Variants in MAP2K5 observed in about 807,000 individuals in gnomAD.
MAP2K5 encodes the protein dual specificity mitogen-activated protein kinase kinase 5.
In MAP2K5, 49 loss-of-function variants were observed where a neutral mutation model predicts 83.1. The observed-to-expected ratio is 0.59, with a 90% CI of 0.47 to 0.75. The LOEUF (loss-of-function observed/expected upper bound fraction) is 0.75, where lower values mean the gene tolerates loss of function less well. MAP2K5 is among the 30% of genes least tolerant of loss of function. The probability of loss-of-function intolerance (pLI) is 0.00; values close to 1 mark genes in which losing one functional copy is unlikely to be tolerated. For missense variants in MAP2K5, 457 were observed against 557.5 expected (o/e 0.82, Z 1.82); for synonymous variants, 202 against 191.8 (o/e 1.05, Z -0.44).
At chr15:67,571,739 T>C (rs2084950440) in intron 3 of MAP2K5, among the ~76,000 whole-genome samples, 1 of 152,230 alleles carries the variant, frequency 6.6e-6, no homozygotes, top group African/African-American at 2.4e-5. Context: ...GCATAAACAA[T>C]TGTGTGCCTT....
chr15:67,716,245 G>A (rs1396796473), intron 16 of MAP2K5, among the ~76,000 whole-genome samples: 2 of 152,198 alleles, frequency 1.3e-5, no homozygotes, highest in East Asian at 1.9e-4. Flanking sequence ...GGAGGCTGAG[G>A]CAGGAGGATC....
chr15:67,634,379 A>AT lies in MAP2K5; in HGVS notation c.585+3452_585+3453insT, dbSNP rs2086547233. On this transcript the variant is annotated intron_variant, in intron 9 of 21. Transcript: ENST00000178640. ...TAAGACCTCATCTCAAAAAAAAAAA[A>AT]AAAAAAAAAAAAAAAAAAAAAAAAA... Among the ~76,000 whole-genome samples, 3 of 58,158 alleles carry AT rather than the reference A, an allele frequency of 5.2e-5. 1 individual carries two copies. The highest frequency in any genetic ancestry group is 1.6e-4 in the Admixed American group (1 of 6,294). The allele number at this position is 58,158 out of a possible 152,430, so 38.2% of individuals were successfully genotyped here.
intron 1 of MAP2K5, among the ~76,000 whole-genome samples, chr15:67,548,710 T>C (rs2140942332): frequency 6.6e-6 from 1 of 152,320 alleles, no homozygotes; most frequent in South Asian, 2.1e-4. Context: ...CCTTTACAGT[T>C]TCCTGTCAAT....
chr15:67,545,032 C>T (rs1450690449), intron 1 of MAP2K5, among the ~76,000 whole-genome samples: 1 of 152,244 alleles, frequency 6.6e-6, no homozygotes, highest in African/African-American at 2.4e-5. Context: ...CCTGTGTCAT[C>T]TCTCTTCACG....
intron 13 of MAP2K5, among the ~76,000 whole-genome samples, chr15:67,680,886 TAGA>T (rs1207586734): frequency 5.9e-5 from 9 of 152,324 alleles, no homozygotes; most frequent in Admixed American, 5.2e-4. Context: ...CTTGCTACCC[TAGA>T]AGAAGCCTGC....
At chr15:67,699,687 C>G (rs2088363580) in intron 15 of MAP2K5, among the ~76,000 whole-genome samples, 1 of 152,052 alleles carries the variant, frequency 6.6e-6, no homozygotes, top group South Asian at 2.1e-4. Flanking sequence ...ACCAGGCACA[C>G]AAGAAAACAA....
chr15:67,748,237 A>G lies in MAP2K5; in HGVS notation c.1081A>G (p.Lys361Glu). ...LGRFPYPQIQ[K>E]NQGSLMPLQL... Reference sequence around the variant, plus strand: ...ACATATTGCCTTTTTTCAGATTCAGAAAAACCAGGGATCTTTAATGGTAAG... The same window carrying G: ...ACATATTGCCTTTTTTCAGATTCAGGAAAACCAGGGATCTTTAATGGTAAG... Residue 361 changes from lysine (K) to glutamate (E), a missense_variant, in exon 18 of 22, where the codon AAA (lysine) becomes GAA (glutamate). By Grantham distance (56) the Lys-to-Glu change is moderately conservative. Around this residue, in one of 3 missense-constraint regions of MAP2K5, gnomAD observed 168 missense variants for 263.0 expected, o/e 0.64. Transcript: ENST00000178640. The surrounding 1 kb of genome is among the most constrained non-coding windows in gnomAD (Gnocchi z 4.0). The G allele has an allele frequency of 8.7e-6, 14 of 1,607,674 alleles. No individual in the cohort carries two copies. The highest frequency in any genetic ancestry group is 1.2e-5 in the Non-Finnish European group (14 of 1,174,738).
rs147213639 is a variant in MAP2K5 at position 67,577,325 on chromosome 15, A to T, written c.253-3429A>T. ...TTAAATGTCTTCCTGAAGGCTACAC[A>T]AGTTAATGAGTGGCAGACTTAGAAT... On this transcript the variant is annotated intron_variant, in intron 3 of 21. Transcript: ENST00000178640. This position sits in a 1 kb window ranked among gnomAD's most constrained non-coding sequence, Gnocchi z 4.1. Among the ~76,000 whole-genome samples, 161 of 152,314 alleles carry T rather than the reference A, an allele frequency of 1.1e-3. No individual in the cohort carries two copies. Among genetic ancestry groups the T allele is most frequent in the Middle Eastern group, 3.4e-3 (1 of 294 alleles).
intron 15 of MAP2K5, 151 bp downstream of exon 15, chr15:67,693,719 T>C: frequency 1.6e-6 from 1 of 607,336 alleles, no homozygotes; most frequent in Non-Finnish European, 2.9e-6. Flanking sequence ...TTTTTAAATC[T>C]TTCTAAAAGA....
chr15:67,731,474 G>A (rs1310902596), intron 17 of MAP2K5, among the ~76,000 whole-genome samples: 7 of 152,144 alleles, frequency 4.6e-5, no homozygotes, highest in Admixed American at 4.6e-4. Flanking sequence ...AGGCCTTTGG[G>A]TTGCATAACT....
chr15:67,590,609 T>C (rs1050828936), intron 6 of MAP2K5, among the ~76,000 whole-genome samples: 28 of 152,194 alleles, frequency 1.8e-4, no homozygotes, highest in African/African-American at 6.3e-4. Context: ...CATGCCGCCA[T>C]GCCTGGCTAA....
Position 67,565,387 on chromosome 15 carries a change from G to C in MAP2K5, c.252+2037G>C, listed in dbSNP as rs193060480. Among the ~76,000 whole-genome samples the C allele has an allele frequency of 1.3e-5, 2 of 152,112 alleles. No individual in the cohort carries two copies. The highest frequency in any genetic ancestry group is 1.9e-4 in the East Asian group (1 of 5,166). ...TGGGATTACAGGCACCCACCACCAT[G>C]CCTGGCTAATTTTTGTATTTTTAGT... On this transcript the variant is annotated intron_variant, in intron 3 of 21. Transcript: ENST00000178640. This position sits in a 1 kb window ranked among gnomAD's most constrained non-coding sequence, Gnocchi z 4.1.
At chr15:67,729,463 T>A (rs1370473014) in intron 17 of MAP2K5, among the ~76,000 whole-genome samples, 1 of 152,146 alleles carries the variant, frequency 6.6e-6, no homozygotes, top group Non-Finnish European at 1.5e-5. Flanking sequence ...TGATGGGTGA[T>A]GAGTCTAAGA....
rs1427286905 is a variant in MAP2K5 at position 67,768,828 on chromosome 15, CT to C, written c.1135-772del. On this transcript the variant is annotated intron_variant, in intron 19 of 21. Coordinates refer to ENST00000178640, the MANE Select transcript of MAP2K5 (RefSeq NM_145160.3). This position sits in a 1 kb window ranked among gnomAD's most constrained non-coding sequence, Gnocchi z 4.0. ...AAACACAGTGGCGCTCTCTGTCATT[CT>C]TGGAAAAACTCCTAAATTCTTAAAG... 5.3e-5 allele frequency among the ~76,000 whole-genome samples: 8 copies of C among 152,170 alleles called. No individual in the cohort carries two copies. Among genetic ancestry groups the C allele is most frequent in the African/African-American group, 1.7e-4 (7 of 41,458 alleles).
At chr15:67,711,143 A>G (rs1045061227) in intron 16 of MAP2K5, among the ~76,000 whole-genome samples, 8 of 152,236 alleles carry the variant, frequency 5.3e-5, no homozygotes, top group African/African-American at 1.9e-4. Flanking sequence ...ATAATCTTCT[A>G]TGCTGTTTAG....
chr15:67,651,280 A>C (rs911872762), intron 11 of MAP2K5, among the ~76,000 whole-genome samples: 1 of 152,230 alleles, frequency 6.6e-6, no homozygotes, highest in Non-Finnish European at 1.5e-5. Context: ...GAGTACATGC[A>C]TAATAATATT....
At position 67,637,564 on chromosome 15, in the gene MAP2K5, T is replaced by G. The variant is rs2086628857; in HGVS notation, c.585+6637T>G. On this transcript the variant is annotated intron_variant, in intron 9 of 21. Coordinates refer to ENST00000178640, the MANE Select transcript of MAP2K5 (RefSeq NM_145160.3). This position sits in a 1 kb window ranked among gnomAD's most constrained non-coding sequence, Gnocchi z 4.5. ...TTCTTCTGAGCCTTTCTAGTGGTTC[T>G]CTCCCTGGCCTCAGGTGATCTCCTG... 6.6e-6 allele frequency among the ~76,000 whole-genome samples: 1 copy of G among 152,122 alleles called. No individual in the cohort carries two copies.
chr15:67,636,563 A>AT lies in MAP2K5; in HGVS notation c.585+5644dup, dbSNP rs527345652. ...TTTCACTTTTTTTTCATATCTTATA[A>AT]TTTTTTTTAAGTGAAAAGCAAGTTT... On this transcript the variant is annotated intron_variant, in intron 9 of 21. Transcript: ENST00000178640. The surrounding 1 kb of genome is among the most constrained non-coding windows in gnomAD (Gnocchi z 4.7). 2.0e-5 allele frequency among the ~76,000 whole-genome samples: 3 copies of AT among 151,420 alleles called. No homozygotes were observed. Among genetic ancestry groups the AT allele is most frequent in the Non-Finnish European group, 4.4e-5 (3 of 67,880 alleles).
At chr15:67,545,128 G>T (rs1026409224) in intron 1 of MAP2K5, among the ~76,000 whole-genome samples, 4 of 152,014 alleles carry the variant, frequency 2.6e-5, no homozygotes, top group African/African-American at 7.3e-5. Flanking sequence ...GCTCTTCACC[G>T]GTCAATTCCC....
Sources: gnomAD v4.1 joint callset for allele counts (sites outside exome capture counted in the v4.1 genomes callset) on GRCh38, gnomAD v4.1.1 for gene constraint, gnomAD v4.1.1 regional missense constraint, Gnocchi (gnomAD v3.1) non-coding constraint, MANE v1.5 for transcripts, NCBI Gene and HGNC (gene_info 2026-07-23, HGNC 2026-07-21) for gene names.